The following DSTN variants were observed in gnomAD, a reference collection of about 807,000 sequenced individuals.
The protein encoded by DSTN is destrin.
Under a neutral mutation model 16.8 loss-of-function variants are expected in DSTN, and 10 were observed. The observed-to-expected ratio is 0.60, with a 90% confidence interval of 0.37 to 1.01. DSTN has a LOEUF of 1.01. DSTN is among the 50% of genes least tolerant of loss of function. The pLI, the probability that DSTN is intolerant of heterozygous loss-of-function variation, is 0.01. For missense variants in DSTN, 141 were observed against 196.7 expected, an observed-to-expected ratio of 0.72 and a Z score of 1.69; for synonymous variants, 57 against 58.9, an observed-to-expected ratio of 0.97 and a Z score of 0.14.
intron 1 of DSTN, among the ~76,000 whole-genome samples, chr20:17,595,680 ATTG>A (rs1419904908): frequency 6.6e-6 from 1 of 151,878 alleles, no homozygotes; most frequent in African/African-American, 2.4e-5. Flanking sequence ...CAATTCCTCT[ATTG>A]TTTACTCTGT....
chr20:17,579,949 C>T (rs1343802550), intron 1 of DSTN, among the ~76,000 whole-genome samples: 3 of 152,228 alleles, frequency 2.0e-5, no homozygotes, highest in Non-Finnish European at 4.4e-5. Context: ...CTCTACCCAA[C>T]TGGATATATC....
chr20:17,573,637 C>CAT (rs752314841), intron 1 of DSTN, among the ~76,000 whole-genome samples: 2 of 152,096 alleles, frequency 1.3e-5, no homozygotes, highest in Non-Finnish European at 1.5e-5. Context: ...GGTTGTATCT[C>CAT]ATCATTAACA....
At chr20:17,577,207 G>T (rs2035288581) in intron 1 of DSTN, among the ~76,000 whole-genome samples, 1 of 152,130 alleles carries the variant, frequency 6.6e-6, no homozygotes, top group South Asian at 2.1e-4. Context: ...GAAATCAAAT[G>T]CTTGGTACCG....
intron 1 of DSTN, among the ~76,000 whole-genome samples, chr20:17,594,452 T>G (rs138390135): frequency 7.6e-4 from 116 of 152,282 alleles, no homozygotes; most frequent in Middle Eastern, 3.4e-3. Context: ...GTTTTAAAAA[T>G]CATTTTATTG....
intron 1 of DSTN, among the ~76,000 whole-genome samples, chr20:17,582,296 G>T (rs889603204): frequency 6.6e-6 from 1 of 151,978 alleles, no homozygotes; most frequent in South Asian, 2.1e-4. Context: ...GGCCAGGCTG[G>T]TCTCAAACTC....
At chr20:17,582,077 ATTTTTTTT>A (rs35744527) in intron 1 of DSTN, among the ~76,000 whole-genome samples, 1 of 126,734 alleles carries the variant, frequency 7.9e-6, no homozygotes, top group Non-Finnish European at 1.6e-5. Context: ...TGAAATATAC[ATTTTTTTT>A]TTTTTTTTTT....
In DSTN at chr20:17,607,917, G is replaced by T. The variant is rs78874701; in HGVS notation, c.*771G>T. 3.9e-5 allele frequency: 6 copies of T among 152,316 alleles called. No individual in the cohort carries two copies. The highest frequency in any genetic ancestry group is 7.4e-5 in the Non-Finnish European group (5 of 68,026). 9.4% of individuals were successfully genotyped at this position (152,316 alleles called of 1,614,324 possible). ...AATGAAAATGATAAAACAGAATATT[G>T]ACAAGCTAGGACACCTGTGGTATCT... On this transcript the variant is annotated 3_prime_UTR_variant, in exon 4 of 4. Coordinates refer to ENST00000246069, the MANE Select transcript of DSTN (RefSeq NM_006870.4).
At chr20:17,582,128 G>C (rs754092957) in intron 1 of DSTN, among the ~76,000 whole-genome samples, 2 of 148,674 alleles carry the variant, frequency 1.3e-5, no homozygotes, top group Admixed American at 1.4e-4. Context: ...GCCCAGGCTG[G>C]AGTGCAATAG....
intron 1 of DSTN, 101 bp downstream of exon 1, chr20:17,570,312 C>A: frequency 7.4e-7 from 1 of 1,346,180 alleles, no homozygotes; most frequent in Non-Finnish European, 9.6e-7. Context: ...CGTGCCTCAG[C>A]CCGGGGAGGG....
Position 17,571,847 on chromosome 20 carries a change from C to T in DSTN, c.3+1636C>T, listed in dbSNP as rs115780317. On this transcript the variant is annotated intron_variant, in intron 1 of 3. Coordinates refer to ENST00000246069, the MANE Select transcript of DSTN (RefSeq NM_006870.4). ...GAAGGGTCTGTTATATTTCCTGGTT[C>T]TTGTGAGGAGTGGGAGAAATAAAAA... Among the ~76,000 whole-genome samples, 269 of 152,196 alleles carry T rather than the reference C, an allele frequency of 1.8e-3. 4 individuals carry two copies. Among genetic ancestry groups the T allele is most frequent in the African/African-American group, 6.2e-3 (259 of 41,502 alleles).
rs185119702 is a variant in DSTN at position 17,597,866 on chromosome 20, A to G, written c.4-2872A>G. Among the ~76,000 whole-genome samples the G allele has an allele frequency of 1.9e-3, 295 of 152,106 alleles. 2 individuals are homozygous for G. The highest frequency in any genetic ancestry group is 6.8e-3 in the Middle Eastern group (2 of 294). The stretch of plus-strand genomic sequence containing the variant: ...CACTCCCCATTCCCCTTTTTTCTCA[A>G]CCTCTGGAAACCACTAATCTACCTA... On this transcript the variant is annotated intron_variant, in intron 1 of 3. Coordinates refer to ENST00000246069, the MANE Select transcript of DSTN (RefSeq NM_006870.4).
chr20:17,596,506 C>G (rs1306738996), intron 1 of DSTN: 1 of 462,754 alleles, frequency 2.2e-6, no homozygotes, highest in African/African-American at 2.1e-5. Flanking sequence ...TTCTCTGATA[C>G]CACTCTTTTG....
chr20:17,600,517 C>T (rs1257550877), intron 1 of DSTN, among the ~76,000 whole-genome samples: 6 of 152,152 alleles, frequency 3.9e-5, no homozygotes, highest in Non-Finnish European at 7.3e-5. Flanking sequence ...TGAATGTTTC[C>T]TTACCCCTGT....
chr20:17,575,015 C>T (rs1245368741), intron 1 of DSTN, among the ~76,000 whole-genome samples: 1 of 151,646 alleles, frequency 6.6e-6, no homozygotes, highest in Non-Finnish European at 1.5e-5. Context: ...CACCACCACA[C>T]CCAGCTAACT....
chr20:17,570,243 A>G, intron 1 of DSTN, 32 bp downstream of exon 1: 2 of 1,488,550 alleles, frequency 1.3e-6, no homozygotes, highest in East Asian at 2.7e-5. Flanking sequence ...GCGTGGGCCG[A>G]GGCGGCCGGG....
chr20:17,579,107 T>C (rs184178390), intron 1 of DSTN, among the ~76,000 whole-genome samples: 39 of 152,360 alleles, frequency 2.6e-4, no homozygotes, highest in Non-Finnish European at 5.0e-4. Flanking sequence ...AAGCATGTGC[T>C]CAGTGTCTGG....
chr20:17,574,175 G>T (rs1232375869), intron 1 of DSTN, among the ~76,000 whole-genome samples: 1 of 152,168 alleles, frequency 6.6e-6, no homozygotes, highest in Non-Finnish European at 1.5e-5. Context: ...CTGCACTCCA[G>T]CCTGGCCACA....
intron 1 of DSTN, among the ~76,000 whole-genome samples, chr20:17,574,865 C>CTTTTCTTTTTTTTTTTTTTT (rs1354147534): frequency 2.8e-4 from 18 of 64,264 alleles, no homozygotes; most frequent in African/African-American, 9.6e-4. Context: ...CTTTTCTTTT[C>CTTTTCTTTTTTTTTTTTTTT]TTTTGTTTTT....
intron 1 of DSTN, among the ~76,000 whole-genome samples, chr20:17,588,700 C>T (rs1037319634): frequency 3.3e-5 from 5 of 152,110 alleles, no homozygotes; most frequent in African/African-American, 1.2e-4. Context: ...AGGAGAATGG[C>T]GTGAACCCAG....
Sources: allele counts gnomAD v4.1 joint callset (sites outside exome capture counted in the v4.1 genomes callset), GRCh38; gene constraint gnomAD v4.1.1; transcripts MANE v1.5; gene names NCBI Gene and HGNC (gene_info 2026-07-23, HGNC 2026-07-21).